The following CLHC1 variants were observed in gnomAD, a reference collection of about 807,000 sequenced individuals.
CLHC1 encodes clathrin heavy chain linker domain-containing protein 1.
A neutral mutation model predicts 69.5 loss-of-function variants in CLHC1; 72 were observed. The ratio of observed to expected loss-of-function variants is 1.04; its 90% CI spans 0.86 to 1.26. The LOEUF is 1.26. Ranked by LOEUF, CLHC1 falls within the 50% of genes most tolerant of loss-of-function variation. The pLI, the probability that CLHC1 is intolerant of heterozygous loss-of-function variation, is 0.00. For missense variants in CLHC1, 790 were observed against 679.3 expected (o/e 1.16, Z -1.81); for synonymous variants, 223 against 224.3 (o/e 0.99, Z 0.05).
chr2:55,219,881 G>C (rs534531494), intron 3 of CLHC1, among the ~76,000 whole-genome samples: 1 of 152,224 alleles, frequency 6.6e-6, no homozygotes, highest in East Asian at 1.9e-4. Context: ...ACAGAGTCCA[G>C]CTACCTCCAT....
At chr2:55,212,150 G>A (rs942321155) in intron 5 of CLHC1, among the ~76,000 whole-genome samples, 2 of 152,134 alleles carry the variant, frequency 1.3e-5, no homozygotes, top group Non-Finnish European at 2.9e-5. Context: ...AGTGGCACGC[G>A]CCTGTAATCC....
chr2:55,198,205 A>G (rs1030162744), intron 9 of CLHC1, among the ~76,000 whole-genome samples: 1 of 152,228 alleles, frequency 6.6e-6, no homozygotes, highest in Non-Finnish European at 1.5e-5. Flanking sequence ...CAAGATCTAG[A>G]AAATAACCTC....
chr2:55,180,163 ATAT>A, intron 11 of CLHC1, among the ~76,000 whole-genome samples: 1 of 136,070 alleles, frequency 7.3e-6, no homozygotes, highest in Admixed American at 7.6e-5. Context: ...AAAAAAAAAT[ATAT>A]ATATATATAT....
At chr2:55,196,023 G>T (rs1671381321) in intron 9 of CLHC1, among the ~76,000 whole-genome samples, 1 of 151,998 alleles carries the variant, frequency 6.6e-6, no homozygotes, top group Non-Finnish European at 1.5e-5. Flanking sequence ...ACCTGTGCTT[G>T]GTGGAGGAAG....
intron 10 of CLHC1, among the ~76,000 whole-genome samples, chr2:55,180,959 G>C (rs1573592218): frequency 1.3e-5 from 2 of 152,134 alleles, no homozygotes; most frequent in Middle Eastern, 6.8e-3. Flanking sequence ...AAGAAAATTA[G>C]ATTTCTACAG....
chr2:55,202,890 C>T lies in CLHC1; in HGVS notation c.1006+3380G>A, dbSNP rs372344346. On this transcript the variant is annotated intron_variant, in intron 9 of 12. Transcript: ENST00000401408. ...CTCCAGCCTGGGTGACAGAGTGAGA[C>T]TCATCTCAAAAAAAAAAAAAAAAAA... Among the ~76,000 whole-genome samples the T allele has an allele frequency of 1.4e-3, 170 of 124,232 alleles. 2 individuals carry two copies. In the Middle Eastern group the frequency reaches 0.023, roughly 17 times the overall value. The allele number at this position is 124,232 out of a possible 152,430, so 81.5% of individuals were successfully genotyped here. A position where few individuals can be genotyped will look rare whatever the true frequency, so the allele number is the denominator to read the frequency against.
chr2:55,219,962 C>G (rs933780529), intron 3 of CLHC1, among the ~76,000 whole-genome samples: 3 of 152,146 alleles, frequency 2.0e-5, no homozygotes, highest in African/African-American at 7.2e-5. Flanking sequence ...TCTCAAACTC[C>G]TGGCCTCAAG....
chr2:55,221,279 GA>G (rs946805843), intron 3 of CLHC1, among the ~76,000 whole-genome samples: 15 of 150,600 alleles, frequency 1.0e-4, no homozygotes, highest in African/African-American at 1.7e-4. Context: ...GGATGGGGTG[GA>G]AAAAAAAAGC....
At chr2:55,211,412 G>T (rs1012319285) in intron 5 of CLHC1, among the ~76,000 whole-genome samples, 2 of 148,320 alleles carry the variant, frequency 1.3e-5, no homozygotes, top group East Asian at 4.0e-4. Context: ...TGAGGCAAGA[G>T]AATGGTGTGA....
chr2:55,217,540 AAAAAAAAAAAAAATATAT>A (rs1306488433), intron 4 of CLHC1, among the ~76,000 whole-genome samples: 1 of 82,564 alleles, frequency 1.2e-5, no homozygotes, highest in Non-Finnish European at 2.2e-5. Flanking sequence ...AAAAAAAAAA[AAAAAAAAAAAAAATATAT>A]ATATATATAT....
chr2:55,220,023 C>T (rs1673960958), intron 3 of CLHC1, among the ~76,000 whole-genome samples: 1 of 152,152 alleles, frequency 6.6e-6, no homozygotes, highest in Non-Finnish European at 1.5e-5. Context: ...ACATGAGCTA[C>T]TACACCTAGC....
intron 9 of CLHC1, among the ~76,000 whole-genome samples, chr2:55,195,346 G>A (rs1671310156): frequency 6.6e-6 from 1 of 152,140 alleles, no homozygotes. Flanking sequence ...TATCCATGTT[G>A]TTGTATCTGA....
chr2:55,227,362 C>T (rs148198238), intron 2 of CLHC1, among the ~76,000 whole-genome samples: 67 of 151,588 alleles, frequency 4.4e-4, no homozygotes, highest in African/African-American at 1.6e-3. Context: ...GTAGGGGAGA[C>T]AAACTATAAA....
At chr2:55,219,490 C>A (rs1424217070) in intron 3 of CLHC1, among the ~76,000 whole-genome samples, 1 of 152,200 alleles carries the variant, frequency 6.6e-6, no homozygotes, top group Non-Finnish European at 1.5e-5. Context: ...AATCTACCTA[C>A]ATGGAATCCC....
At chr2:55,196,966 C>A (rs1260895675) in intron 9 of CLHC1, among the ~76,000 whole-genome samples, 1 of 152,158 alleles carries the variant, frequency 6.6e-6, no homozygotes, top group African/African-American at 2.4e-5. Context: ...GGGGAGCCCA[C>A]TGCCCTGAGG....
At chr2:55,188,373 T>G (rs1424041004) in intron 9 of CLHC1, among the ~76,000 whole-genome samples, 1 of 152,082 alleles carries the variant, frequency 6.6e-6, no homozygotes, top group Non-Finnish European at 1.5e-5. Flanking sequence ...TCACTGGTAA[T>G]GAGGCAAGTT....
At chr2:55,182,624 G>A (rs1670035408) in intron 9 of CLHC1, among the ~76,000 whole-genome samples, 1 of 152,198 alleles carries the variant, frequency 6.6e-6, no homozygotes, top group South Asian at 2.1e-4. Flanking sequence ...GGATATGGAT[G>A]TCTTGGAATT....
chr2:55,230,172 TAATC>T (rs1172681073), intron 1 of CLHC1, among the ~76,000 whole-genome samples: 1 of 152,220 alleles, frequency 6.6e-6, no homozygotes, highest in Non-Finnish European at 1.5e-5. Context: ...GCTACTGCAA[TAATC>T]AAGGCAAAAG....
At chr2:55,184,959 C>CACAT (rs942719462) in intron 9 of CLHC1, among the ~76,000 whole-genome samples, 3 of 146,660 alleles carry the variant, frequency 2.0e-5, no homozygotes, top group African/African-American at 7.5e-5. Context: ...CACACACACA[C>CACAT]ACAAAGATTT....
Sources: allele counts gnomAD v4.1 joint callset (sites outside exome capture counted in the v4.1 genomes callset), GRCh38; gene constraint gnomAD v4.1.1; transcripts MANE v1.5; gene names NCBI Gene and HGNC (gene_info 2026-07-23, HGNC 2026-07-21).